The following IL1RAPL2 variants were observed in gnomAD, a reference collection of about 807,000 sequenced individuals.
IL1RAPL2 encodes the protein X-linked interleukin-1 receptor accessory protein-like 2.
Under a neutral mutation model 44.1 loss-of-function variants are expected in IL1RAPL2, and 3 were observed. The ratio of observed to expected loss-of-function variants is 0.07; its 90% CI spans 0.03 to 0.18. The LOEUF (loss-of-function observed/expected upper bound fraction) is 0.18, where lower values mean the gene tolerates loss of function less well. IL1RAPL2 is among the 10% of genes least tolerant of loss of function. IL1RAPL2 has a pLI of 1.00. For missense variants in IL1RAPL2, 391 were observed against 496.4 expected, an observed-to-expected ratio of 0.79 and a Z score of 2.02; for synonymous variants, 181 against 178.8, an observed-to-expected ratio of 1.01 and a Z score of -0.10.
chrX:105,285,855 G>C (rs1253564608), intron 5 of IL1RAPL2, among the ~76,000 whole-genome samples: 1 of 111,966 alleles, frequency 8.9e-6, no homozygotes, highest in East Asian at 2.8e-4. Context: ...AACTGTGAAA[G>C]TATATAGGAT....
chrX:105,268,891 T>A lies in IL1RAPL2; in HGVS notation c.697+1350T>A, dbSNP rs191735090. ...ATGCTAATTTGTTTGACTGTGGTAATCAGTTTGCTATGTATATGTATAAAC... is the reference window on the plus strand; with the variant it reads ...ATGCTAATTTGTTTGACTGTGGTAAACAGTTTGCTATGTATATGTATAAAC... On this transcript the variant is annotated intron_variant, in intron 5 of 10. Transcript: ENST00000372582. Among the ~76,000 whole-genome samples, 391 of 101,334 alleles carry A rather than the reference T, an allele frequency of 3.9e-3. 4 individuals carry two copies. The highest frequency in any genetic ancestry group is 0.02 in the Middle Eastern group (4 of 200). 88.0% of individuals were successfully genotyped at this position (101,334 alleles called of 115,157 possible). A position where few individuals can be genotyped will look rare whatever the true frequency, so the allele number is the denominator to read the frequency against.
At chrX:104,659,024 G>T (rs753500893) in intron 2 of IL1RAPL2, 29 bp downstream of exon 2, 1 of 1,078,317 alleles carries the variant, frequency 9.3e-7, no homozygotes, top group Non-Finnish European at 1.3e-6. Context: ...GCCACTATTT[G>T]GTCAAAAATG....
intron 2 of IL1RAPL2, among the ~76,000 whole-genome samples, chrX:104,935,273 C>A (rs778412529): frequency 3.6e-5 from 4 of 111,926 alleles, no homozygotes; most frequent in Non-Finnish European, 7.5e-5. Flanking sequence ...CATTACTTTG[C>A]ACATCAATTT....
chrX:104,624,265 C>T (rs1929455520), intron 1 of IL1RAPL2, among the ~76,000 whole-genome samples: 1 of 110,956 alleles, frequency 9.0e-6, no homozygotes, highest in African/African-American at 3.3e-5. Flanking sequence ...ACTTTCAGAA[C>T]ACTTTTGGAA....
intron 2 of IL1RAPL2, among the ~76,000 whole-genome samples, chrX:104,944,142 C>G (rs941555529): frequency 3.8e-4 from 42 of 111,078 alleles, no homozygotes; most frequent in African/African-American, 1.3e-3. Context: ...AACAATATGC[C>G]CGCTATCCAC....
chrX:105,595,901 T>A (rs1486832273), intron 6 of IL1RAPL2, among the ~76,000 whole-genome samples: 1 of 111,638 alleles, frequency 9.0e-6, no homozygotes, highest in Non-Finnish European at 1.9e-5. Flanking sequence ...GTAGGTTGTA[T>A]GTTTCTAGGA....
At chrX:104,627,967 T>C (rs1929550132) in intron 1 of IL1RAPL2, among the ~76,000 whole-genome samples, 1 of 112,120 alleles carries the variant, frequency 8.9e-6, no homozygotes, top group Non-Finnish European at 1.9e-5. Context: ...AATTACTTAT[T>C]TGACCAATTT....
intron 2 of IL1RAPL2, among the ~76,000 whole-genome samples, chrX:105,039,031 G>C (rs2031675375): frequency 9.0e-6 from 1 of 111,595 alleles, no homozygotes; most frequent in Non-Finnish European, 1.9e-5. Context: ...TATTTCAGTA[G>C]AATTAGGAAA....
At chrX:105,079,253 C>T (rs934338851) in intron 2 of IL1RAPL2, among the ~76,000 whole-genome samples, 1 of 111,252 alleles carries the variant, frequency 9.0e-6, no homozygotes, top group Non-Finnish European at 1.9e-5. Flanking sequence ...TTGTGGAAGA[C>T]AGTGTGGAGA....
intron 2 of IL1RAPL2, among the ~76,000 whole-genome samples, chrX:104,757,755 G>A (rs1932363828): frequency 9.0e-6 from 1 of 111,013 alleles, no homozygotes; most frequent in Admixed American, 9.6e-5. Context: ...TAATGAAAAT[G>A]GATTGCCTTT....
At chrX:104,883,032 A>T (rs1171900182) in intron 2 of IL1RAPL2, among the ~76,000 whole-genome samples, 5 of 111,004 alleles carry the variant, frequency 4.5e-5, no homozygotes, top group Non-Finnish European at 9.4e-5. Context: ...GAAGGAACAA[A>T]CTCCGGACAC....
At chrX:105,447,640 T>C (rs1459842710) in intron 5 of IL1RAPL2, among the ~76,000 whole-genome samples, 15 of 79,428 alleles carry the variant, frequency 1.9e-4, no homozygotes, top group Non-Finnish European at 3.2e-4. Flanking sequence ...TTTATATAAA[T>C]ATAAATATAA....
At chrX:105,068,160 TTGA>T (rs1431712255) in intron 2 of IL1RAPL2, among the ~76,000 whole-genome samples, 1 of 111,671 alleles carries the variant, frequency 9.0e-6, no homozygotes, top group Non-Finnish European at 1.9e-5. Flanking sequence ...CCTGGTCTAC[TTGA>T]TGACCTTAAA....
intron 2 of IL1RAPL2, among the ~76,000 whole-genome samples, chrX:104,949,827 C>G (rs1345811406): frequency 3.6e-5 from 4 of 111,026 alleles, no homozygotes; most frequent in Non-Finnish European, 7.6e-5. Context: ...CTGAGGAGAG[C>G]TTTACTTCCA....
chrX:105,151,513 G>T (rs2033227368), intron 2 of IL1RAPL2, among the ~76,000 whole-genome samples: 1 of 107,046 alleles, frequency 9.3e-6, no homozygotes, highest in South Asian at 4.0e-4. Context: ...AGGTTTTTCT[G>T]TTTTTTTTTG....
intron 9 of IL1RAPL2, among the ~76,000 whole-genome samples, chrX:105,750,737 A>C (rs1307447876): frequency 9.1e-6 from 1 of 110,095 alleles, no homozygotes; most frequent in African/African-American, 3.3e-5. Context: ...AGAAATGAAA[A>C]ATTAAGGCCT....
Position 105,043,415 on chromosome X carries a change from C to T in IL1RAPL2, c.83-152060C>T, listed in dbSNP as rs1304253537. Among the ~76,000 whole-genome samples, 3 of 108,989 alleles carry T rather than the reference C, an allele frequency of 2.8e-5. No homozygotes were observed. The East Asian group carries it at 8.8e-4, about 32-fold the overall frequency. 94.6% of individuals were successfully genotyped at this position (108,989 alleles called of 115,157 possible). A position where few individuals can be genotyped will look rare whatever the true frequency, so the allele number is the denominator to read the frequency against. On this transcript the variant is annotated intron_variant, in intron 2 of 10. Coordinates refer to ENST00000372582, the MANE Select transcript of IL1RAPL2 (RefSeq NM_017416.2). ...TCTTCAACACACTTTTTAGGAAGCA[C>T]TGTGCTTTTCATTTAGACTTGGGAG... is the stretch of plus-strand genomic sequence containing the variant.
chrX:105,030,196 G>A (rs1047003503), intron 2 of IL1RAPL2, among the ~76,000 whole-genome samples: 69 of 111,459 alleles, frequency 6.2e-4, no homozygotes, highest in Non-Finnish European at 1.2e-3. Flanking sequence ...CCTGTAAGTT[G>A]CCTGTTCACT....
At chrX:105,671,005 CTG>C (rs1341978879) in intron 6 of IL1RAPL2, among the ~76,000 whole-genome samples, 1 of 109,420 alleles carries the variant, frequency 9.1e-6, no homozygotes, top group Non-Finnish European at 1.9e-5. Flanking sequence ...TGGAGTGCAA[CTG>C]TGTGATCTCA....
Sources: gnomAD v4.1 joint callset for allele counts (sites outside exome capture counted in the v4.1 genomes callset) on GRCh38, gnomAD v4.1.1 for gene constraint, MANE v1.5 for transcripts, NCBI Gene and HGNC (gene_info 2026-07-23, HGNC 2026-07-21) for gene names.